SFTPB: variants seen among roughly 807,000 people sequenced by gnomAD.
The protein encoded by SFTPB is surfactant protein B.
A neutral mutation model predicts 51.0 loss-of-function variants in SFTPB; 32 were observed. That is an observed-to-expected ratio of 0.63 (90% CI 0.47 to 0.84). The LOEUF is 0.84. Ranked by LOEUF, SFTPB falls within the 40% of genes least tolerant of loss-of-function variation. SFTPB has a pLI of 0.00. For synonymous variants in SFTPB, 211 were observed against 208.5 expected, an observed-to-expected ratio of 1.01 and a Z score of -0.10; for missense variants, 431 against 491.2, an observed-to-expected ratio of 0.88 and a Z score of 1.16.
At chr2:85,660,444 C>CTTG (rs1677233236) in intron 10 of SFTPB, among the ~76,000 whole-genome samples, 1 of 97,464 alleles carries the variant, frequency 1.0e-5, no homozygotes, top group African/African-American at 4.7e-5. Context: ...AAAGAAATAC[C>CTTG]TTTTTTTTTT....
intron 2 of SFTPB, 81 bp from the exon 3 acceptor site, chr2:85,667,258 G>T: frequency 9.8e-7 from 1 of 1,023,342 alleles, no homozygotes; most frequent in South Asian, 1.3e-5. Context: ...CTCTTAGGAA[G>T]AGGCCAACAG....
chr2:85,662,266 C>T lies in SFTPB; in HGVS notation c.1003-157G>A, dbSNP rs3024813. ...CTCTGGCTGCAGTTGAAACCCTTAACAAACTGGAGCCAGCTGAAATGGAGG... is the reference window on the plus strand; with the variant it reads ...CTCTGGCTGCAGTTGAAACCCTTAATAAACTGGAGCCAGCTGAAATGGAGG... On this transcript the variant is annotated intron_variant, in intron 8 of 10. Transcript: ENST00000519937. 1.2e-4 allele frequency: 175 copies of T among 1,481,828 alleles called. No homozygotes were observed. In the East Asian group the frequency reaches 3.9e-3, roughly 33 times the overall value. The allele number at this position is 1,481,828 out of a possible 1,614,324, so 91.8% of individuals were successfully genotyped here.
rs1195184532 is a variant in SFTPB, at chr2:85,667,762, A to G, written c.112T>C (p.Phe38Leu). Residue 38 changes from phenylalanine to leucine, a missense_variant, in exon 2 of 11, where the codon TTC becomes CTC. By Grantham distance (22) the Phe-to-Leu change is conservative. Coordinates refer to ENST00000519937, the MANE Select transcript of SFTPB (RefSeq NM_000542.5). ...GCTTGCTCCAGGCTTTGGCACCAGA[A>G]CTCAGGGCCCTGGGCACAGGCCAAG... is the stretch of plus-strand genomic sequence containing the variant. ...SSLACAQGPEFWCQSLEQALQ... is the reference protein window; with the variant it reads ...SSLACAQGPELWCQSLEQALQ... 1 of 1,614,188 alleles carries G rather than the reference A, an allele frequency of 6.2e-7. No individual in the cohort carries two copies. Among genetic ancestry groups the G allele is most frequent in the Non-Finnish European group, 8.5e-7 (1 of 1,180,020 alleles).
In SFTPB at chr2:85,663,806, T is replaced by A. The variant is rs1448737285; in HGVS notation, c.714A>T (p.Val238=). The A allele has an allele frequency of 5.6e-6, 9 of 1,600,430 alleles. No individual in the cohort carries two copies. The highest frequency in any genetic ancestry group is 1.1e-5 in the South Asian group (1 of 89,266). Residue 238 remains valine (V), a synonymous_variant, in exon 7 of 11, where the codon GTA becomes GTT. Coordinates refer to ENST00000519937, the MANE Select transcript of SFTPB (RefSeq NM_000542.5). ...GGCAGATGCCGCCCGCCACCAGAGGTACCACGCGGCACACCTGGGCCACTG... is the reference window on the plus strand; with the variant it reads ...GGCAGATGCCGCCCGCCACCAGAGGAACCACGCGGCACACCTGGGCCACTG... ...AVAVAQVCRV[V]PLVAGGICQC... is the part of the protein sequence containing the mutation.
intron 9 of SFTPB, among the ~76,000 whole-genome samples, chr2:85,661,815 C>G (rs929046110): frequency 6.6e-6 from 1 of 152,216 alleles, no homozygotes; most frequent in Non-Finnish European, 1.5e-5. Flanking sequence ...TCCAGCCGCA[C>G]TCCTCAGGCC....
chr2:85,667,655 C>T (rs768530930), intron 2 of SFTPB, 24 bp downstream of exon 2: 5 of 1,614,108 alleles, frequency 3.1e-6, no homozygotes, highest in Non-Finnish European at 4.2e-6. Flanking sequence ...CCCCCAGTTG[C>T]CATGCATCCT....
intron 8 of SFTPB, 107 bp from the exon 9 acceptor site, chr2:85,662,216 T>C: frequency 6.5e-7 from 1 of 1,538,922 alleles, no homozygotes; most frequent in Non-Finnish European, 8.8e-7. Context: ...CCCTCCCGAC[T>C]CCTCCATCAG....
intron 1 of SFTPB, 45 bp downstream of exon 1, chr2:85,668,072 G>A: frequency 6.9e-7 from 1 of 1,444,552 alleles, no homozygotes; most frequent in Non-Finnish European, 9.5e-7. Context: ...AGTGCTCAGT[G>A]AGTGGTGGAG....
intron 10 of SFTPB, among the ~76,000 whole-genome samples, chr2:85,660,739 G>A (rs1677253312): frequency 6.6e-6 from 1 of 152,212 alleles, no homozygotes; most frequent in Non-Finnish European, 1.5e-5. Context: ...ACCGGCGTGA[G>A]CCACCATGCC....
intron 2 of SFTPB, 42 bp from the exon 3 acceptor site, chr2:85,667,219 G>C (rs542971553): frequency 6.8e-7 from 1 of 1,461,752 alleles, no homozygotes; most frequent in East Asian, 2.3e-5. Flanking sequence ...ACATGAGTGG[G>C]GGAGGCTCCC....
intron 4 of SFTPB, among the ~76,000 whole-genome samples, chr2:85,666,350 G>A (rs1191626645): frequency 1.5e-5 from 2 of 136,192 alleles, no homozygotes; most frequent in East Asian, 4.1e-4. Context: ...TATGTGTCTG[G>A]ATAGGGTGCT....
chr2:85,666,016 A>G (rs1325017430), intron 4 of SFTPB, among the ~76,000 whole-genome samples: 1 of 152,096 alleles, frequency 6.6e-6, no homozygotes, highest in Non-Finnish European at 1.5e-5. Context: ...ATGAGCATAT[A>G]TGTGAGAATG....
At chr2:85,660,953 C>T (rs1395074423) in intron 10 of SFTPB, among the ~76,000 whole-genome samples, 2 of 152,166 alleles carry the variant, frequency 1.3e-5, no homozygotes, top group African/African-American at 2.4e-5. Context: ...CGCCTCCACC[C>T]CTCCATCCTA....
intron 4 of SFTPB, 104 bp from the exon 5 acceptor site, chr2:85,665,898 G>C: frequency 9.4e-7 from 1 of 1,062,378 alleles, no homozygotes; most frequent in Non-Finnish European, 1.4e-6. Context: ...GAGGAAGCAG[G>C]CCTAGTGGGG....
At chr2:85,666,866 T>C (rs911008933) in intron 3 of SFTPB, 124 bp from the exon 4 acceptor site, 1 of 1,314,330 alleles carries the variant, frequency 7.6e-7, no homozygotes, top group African/African-American at 1.5e-5. Context: ...AGTTCACGAG[T>C]GCCAAGGAGT....
intron 6 of SFTPB, among the ~76,000 whole-genome samples, chr2:85,664,702 A>T (rs1677484178): frequency 6.6e-6 from 1 of 152,064 alleles, no homozygotes; most frequent in African/African-American, 2.4e-5. Flanking sequence ...GCTCAAGTGA[A>T]CCACCTGCCT....
At chr2:85,666,520 T>C (rs1677643223) in intron 4 of SFTPB, 97 bp downstream of exon 4, 1 of 1,232,726 alleles carries the variant, frequency 8.1e-7, no homozygotes. Context: ...TGTGTGTGTG[T>C]GTCTGGCTGG....
At chr2:85,666,521 GT>G (rs34182611) in intron 4 of SFTPB, 95 bp downstream of exon 4, 10 of 1,164,314 alleles carry the variant, frequency 8.6e-6, no homozygotes, top group East Asian at 2.7e-5. Context: ...GTGTGTGTGT[GT>G]CTGGCTGGCT....
At chr2:85,661,208 G>A in intron 10 of SFTPB, 1 of 416,836 alleles carries the variant, frequency 2.4e-6, no homozygotes, top group Non-Finnish European at 4.5e-6. Context: ...GGGTTGGGGG[G>A]GAAGCTGGGG....
Sources: allele counts gnomAD v4.1 joint callset (sites outside exome capture counted in the v4.1 genomes callset), GRCh38; gene constraint gnomAD v4.1.1; transcripts MANE v1.5; gene names NCBI Gene and HGNC (gene_info 2026-07-23, HGNC 2026-07-21).